The following ELP2 variants were observed in gnomAD, a reference collection of about 807,000 sequenced individuals.
ELP2 encodes elongator acetyltransferase complex subunit 2.
In ELP2, 90 loss-of-function variants were observed where a neutral mutation model predicts 119.2. The observed-to-expected ratio is 0.75, with a 90% CI of 0.64 to 0.90. The LOEUF (loss-of-function observed/expected upper bound fraction) is 0.90, where lower values mean the gene tolerates loss of function less well. ELP2 is among the 40% of genes least tolerant of loss of function. The probability of loss-of-function intolerance (pLI) is 0.00; values close to 1 mark genes in which losing one functional copy is unlikely to be tolerated. For missense variants in ELP2, 921 were observed against 967.8 expected (o/e 0.95, Z 0.64); for synonymous variants, 339 against 331.0 (o/e 1.02, Z -0.26).
intron 16 of ELP2, among the ~76,000 whole-genome samples, chr18:36,160,225 GTTTA>G (rs1675000047): frequency 6.6e-6 from 1 of 151,694 alleles, no homozygotes; most frequent in Non-Finnish European, 1.5e-5. Flanking sequence ...CATTAGTTTT[GTTTA>G]TTCATCTTAT....
intron 16 of ELP2, among the ~76,000 whole-genome samples, chr18:36,160,536 C>T (rs1598810609): frequency 6.6e-6 from 1 of 151,326 alleles, no homozygotes; most frequent in African/African-American, 2.4e-5. Flanking sequence ...CATGATTGCA[C>T]CACTGCACCC....
Position 36,170,127 on chromosome 18 carries a change from C to A in ELP2, c.2141C>A (p.Ser714Tyr). Reference protein sequence around the residue: ...DCIEHNIGPCSSVLDVGGAVT... With the variant: ...DCIEHNIGPCYSVLDVGGAVT... ...ATTGAGCACAACATTGGCCCCTGCT[C>A]CTCAGTCCTGGACGTGGGTGGGGCT... The change falls in exon 20 of 22, where the codon TCC becomes TAC. Residue 714 changes from serine (S) to tyrosine (Y), a missense_variant. Ser to Tyr is a moderately radical substitution (Grantham distance 144). Transcript: ENST00000358232. 3.7e-6 allele frequency: 6 copies of A among 1,614,062 alleles called. No individual in the cohort carries two copies. The highest frequency in any genetic ancestry group is 5.1e-6 in the Non-Finnish European group (6 of 1,180,010).
At position 36,177,759 on chromosome 18, in the gene ELP2, G is replaced by A. The variant is rs1234763020; in HGVS notation, c.*3118G>A. On this transcript the variant is annotated 3_prime_UTR_variant, in exon 22 of 22. Transcript: ENST00000358232. ...GTAAGATATATTTGGGAAACACAGG[G>A]ATAACTAAGGTTAGATAGGTGTTCT... 1 of 152,068 alleles carries A rather than the reference G, an allele frequency of 6.6e-6. No individual in the cohort carries two copies. 9.4% of individuals were successfully genotyped at this position (152,068 alleles called of 1,614,324 possible).
intron 21 of ELP2, among the ~76,000 whole-genome samples, chr18:36,173,846 A>G (rs1242251282): frequency 6.6e-6 from 1 of 152,192 alleles, no homozygotes; most frequent in East Asian, 1.9e-4. Flanking sequence ...TTGTATTTTC[A>G]TAGAGATTTA....
Position 36,164,623 on chromosome 18 carries a change from C to A in ELP2, c.1910C>A (p.Thr637Asn). The change falls in exon 18 of 22, where the codon ACC becomes AAC. Residue 637 changes from threonine to asparagine, a missense_variant. Transcript: ENST00000358232. Reference protein sequence around the residue: ...KFLLAVSRDRTWSLWKKQDTI... With the variant: ...KFLLAVSRDRNWSLWKKQDTI... The stretch of plus-strand genomic sequence containing the variant: ...TTACTAGCTGTTTCCAGAGATCGAA[C>A]CTGGTCATTGTGGAAAAAGCAGGAT... The A allele has an allele frequency of 1.2e-6, 2 of 1,614,062 alleles. No homozygotes were observed. Among genetic ancestry groups the A allele is most frequent in the Non-Finnish European group, 1.7e-6 (2 of 1,179,982 alleles).
At chr18:36,138,583 C>G (rs1208819857) in intron 4 of ELP2, 157 bp downstream of exon 4, 13 of 970,674 alleles carry the variant, frequency 1.3e-5, no homozygotes, top group Non-Finnish European at 2.0e-5. Context: ...ATTTAAAATT[C>G]TCTATACCAA....
chr18:36,169,706 T>G (rs1386366779), intron 19 of ELP2, among the ~76,000 whole-genome samples: 1 of 152,102 alleles, frequency 6.6e-6, no homozygotes, highest in Non-Finnish European at 1.5e-5. Flanking sequence ...GATTAGTTCT[T>G]AAGCATTTTG....
At chr18:36,149,408 G>C (rs765891967) in intron 11 of ELP2, among the ~76,000 whole-genome samples, 1 of 150,562 alleles carries the variant, frequency 6.6e-6, no homozygotes, top group Non-Finnish European at 1.5e-5. Context: ...AGGTACAACC[G>C]TACAACCCAT....
In ELP2 at chr18:36,158,921, C is replaced by A; in HGVS notation, c.1534+17C>A. ...TCTTTCAGGGTAAGGCTTTTGTCTT[C>A]AAAATTATTAAACCCATAGTGGTAC... On this transcript the variant is annotated intron_variant, in intron 14 of 21. Transcript: ENST00000358232. The A allele has an allele frequency of 6.3e-7, 1 of 1,579,988 alleles. No individual in the cohort carries two copies. Among genetic ancestry groups the A allele is most frequent in the Non-Finnish European group, 8.7e-7 (1 of 1,149,216 alleles).
chr18:36,143,989 A>T (rs1472734854), intron 8 of ELP2, among the ~76,000 whole-genome samples: 1 of 152,200 alleles, frequency 6.6e-6, no homozygotes, highest in Non-Finnish European at 1.5e-5. Flanking sequence ...TAGCCTTAGA[A>T]CAGTATCCCT....
At chr18:36,141,231 T>C (rs2090016455) in intron 6 of ELP2, 30 bp downstream of exon 6, 1 of 1,536,980 alleles carries the variant, frequency 6.5e-7, no homozygotes, top group African/African-American at 1.4e-5. Flanking sequence ...GAGGCTGGAA[T>C]TATATTCTGC....
intron 8 of ELP2, among the ~76,000 whole-genome samples, chr18:36,144,259 A>G (rs2090130131): frequency 6.6e-6 from 1 of 152,244 alleles, no homozygotes; most frequent in Non-Finnish European, 1.5e-5. Flanking sequence ...TGAAAGGTCA[A>G]AATACTGATT....
intron 13 of ELP2, among the ~76,000 whole-genome samples, chr18:36,157,432 A>AG: frequency 6.6e-6 from 1 of 152,230 alleles, no homozygotes; most frequent in East Asian, 1.9e-4. Context: ...AGCAAAGGGG[A>AG]GGCCAGAGCT....
rs911995621 is a variant in ELP2, at chr18:36,164,530, A to C, written c.1817A>C (p.Gln606Pro). The C allele has an allele frequency of 6.2e-6, 10 of 1,614,034 alleles. No individual in the cohort carries two copies. In the African/African-American group the frequency reaches 1.2e-4, roughly 19 times the overall value. Reference sequence around the variant, plus strand: ...CTTTGGAACACTACATCTTGGAAACAGGTGCAGAATTTAGTTTTCCACAGT... The same window carrying C: ...CTTTGGAACACTACATCTTGGAAACCGGTGCAGAATTTAGTTTTCCACAGT... Reference protein sequence around the residue: ...IILWNTTSWKQVQNLVFHSLT... With the variant: ...IILWNTTSWKPVQNLVFHSLT... Residue 606 changes from glutamine to proline, a missense_variant, in exon 18 of 22, where the codon CAG becomes CCG. By Grantham distance (76) the Gln-to-Pro change is moderately conservative. Coordinates refer to ENST00000358232, the MANE Select transcript of ELP2 (RefSeq NM_018255.4).
intron 17 of ELP2, 115 bp from the exon 18 acceptor site, chr18:36,164,360 G>A (rs1321281892): frequency 3.1e-6 from 3 of 976,810 alleles, no homozygotes; most frequent in Non-Finnish European, 4.7e-6. Context: ...AATTTTTTTT[G>A]GAATTCAAAC....
chr18:36,171,061 T>A lies in ELP2; in HGVS notation c.2225T>A (p.Val742Glu). 1.2e-6 allele frequency: 2 copies of A among 1,612,760 alleles called. No individual in the cohort carries two copies. Among genetic ancestry groups the A allele is most frequent in the Non-Finnish European group, 1.7e-6 (2 of 1,178,740 alleles). ...LHPSQRYVVAVGLECGKICLY... is the reference protein window; with the variant it reads ...LHPSQRYVVAEGLECGKICLY... ...CTTAAAAACAGATACGTGGTTGCAG[T>A]AGGATTGGAGTGTGGAAAGATTTGC... Residue 742 changes from valine (V) to glutamate (E), a missense_variant, in exon 21 of 22, where the codon GTA becomes GAA. Physicochemically the swap from Val to Glu is moderately radical, Grantham distance 121. Coordinates refer to ENST00000358232, the MANE Select transcript of ELP2 (RefSeq NM_018255.4).
chr18:36,160,943 G>T lies in ELP2; in HGVS notation c.1700G>T (p.Gly567Val). 2 of 1,611,846 alleles carry T rather than the reference G, an allele frequency of 1.2e-6. No homozygotes were observed. Among genetic ancestry groups the T allele is most frequent in the Non-Finnish European group, 1.7e-6 (2 of 1,178,076 alleles). Residue 567 changes from glycine (G) to valine (V), a missense_variant, in exon 17 of 22, where the codon GGT (glycine) becomes GTT (valine). Physicochemically the swap from Gly to Val is moderately radical, Grantham distance 109 (BLOSUM62 -3). Coordinates refer to ENST00000358232, the MANE Select transcript of ELP2 (RefSeq NM_018255.4). ...TTTTTAAATTTTAGATATGGGCACG[G>T]TTATGAAATATTTTGTGTTACTTGT... The part of the protein sequence containing the change: ...WPEVQKLYGH[G>V]YEIFCVTCNS...
intron 10 of ELP2, 93 bp from the exon 11 acceptor site, chr18:36,146,157 A>G (rs2090192240): frequency 1.3e-6 from 2 of 1,579,650 alleles, no homozygotes; most frequent in Non-Finnish European, 1.7e-6. Flanking sequence ...ACATTAAAAT[A>G]GTGGGAATTT....
rs541483368 is a variant in ELP2 at position 36,171,431 on chromosome 18, T to C, written c.2324+271T>C. On this transcript the variant is annotated intron_variant, in intron 21 of 21. Transcript: ENST00000358232. ...TTTGAGATGAAAGTGATTTCCATAA[T>C]GGTGTGTTGTAGAATTTGACTACAG... Among the ~76,000 whole-genome samples, 23 of 152,370 alleles carry C rather than the reference T, an allele frequency of 1.5e-4. No homozygotes were observed. The South Asian group carries it at 4.8e-3, about 32-fold the overall frequency.
Sources: allele counts gnomAD v4.1 joint callset (sites outside exome capture counted in the v4.1 genomes callset), GRCh38; gene constraint gnomAD v4.1.1; transcripts MANE v1.5; gene names NCBI Gene and HGNC (gene_info 2026-07-23, HGNC 2026-07-21).